The following ATG14 variants were observed in gnomAD, a reference collection of about 807,000 sequenced individuals.
ATG14 encodes autophagy related 14.
A neutral mutation model predicts 60.4 loss-of-function variants in ATG14; 35 were observed. The observed-to-expected ratio is 0.58, with a 90% CI of 0.44 to 0.77. The LOEUF (loss-of-function observed/expected upper bound fraction) is 0.77. Ranked by LOEUF, ATG14 falls within the 30% of genes least tolerant of loss-of-function variation. The pLI, the probability that ATG14 is intolerant of heterozygous loss-of-function variation, is 0.00. For synonymous variants in ATG14, 234 were observed against 228.8 expected, an observed-to-expected ratio of 1.02 and a Z score of -0.21; for missense variants, 647 against 626.3, an observed-to-expected ratio of 1.03 and a Z score of -0.35.
At chr14:55,380,009 G>A (rs1259547433) in intron 7 of ATG14, among the ~76,000 whole-genome samples, 1 of 152,198 alleles carries the variant, frequency 6.6e-6, no homozygotes, top group African/African-American at 2.4e-5. Context: ...CACTTTGGGA[G>A]ACCGAGGCAG....
intron 3 of ATG14, among the ~76,000 whole-genome samples, chr14:55,393,963 G>A (rs893656088): frequency 1.2e-4 from 18 of 150,766 alleles, no homozygotes; most frequent in African/African-American, 4.1e-4. Context: ...TCCACAGCAC[G>A]TAGACTGACC....
In ATG14 at chr14:55,385,868, G is replaced by A. The variant is rs140426113; in HGVS notation, c.638C>T (p.Thr213Met). The A allele has an allele frequency of 2.7e-5, 43 of 1,610,802 alleles. No individual in the cohort carries two copies. Among genetic ancestry groups the A allele is most frequent in the Admixed American group, 2.0e-4 (12 of 59,642 alleles). ...SVIFPIEEVKTGVRDPADVSS... is the reference protein window; with the variant it reads ...SVIFPIEEVKMGVRDPADVSS... ...GACTTGCTTAATGTACCTCACACCC[G>A]TCTTTACTTCCTCGATTGGAAAAAT... Residue 213 changes from threonine (T) to methionine (M), a missense_variant, in exon 5 of 10, where the codon ACG becomes ATG. Physicochemically the swap from Thr to Met is moderately conservative, Grantham distance 81. Coordinates refer to ENST00000247178, the MANE Select transcript of ATG14 (RefSeq NM_014924.5).
chr14:55,384,939 C>A (rs1885097526), intron 5 of ATG14, among the ~76,000 whole-genome samples: 1 of 152,156 alleles, frequency 6.6e-6, no homozygotes, highest in Non-Finnish European at 1.5e-5. Context: ...CCCTCTGGAA[C>A]CTCTATTTCT....
At chr14:55,405,224 G>T (rs1180205584) in intron 1 of ATG14, among the ~76,000 whole-genome samples, 1 of 152,154 alleles carries the variant, frequency 6.6e-6, no homozygotes, top group Non-Finnish European at 1.5e-5. Context: ...GGCCACAGTG[G>T]CTGACAAACA....
chr14:55,372,159 A>C (rs1332120481), intron 9 of ATG14, among the ~76,000 whole-genome samples: 2 of 152,100 alleles, frequency 1.3e-5, no homozygotes. Flanking sequence ...TCAAAACTTT[A>C]GCTGGCTGGG....
chr14:55,378,155 G>C, intron 7 of ATG14, 81 bp from the exon 8 acceptor site: 1 of 1,177,286 alleles, frequency 8.5e-7, no homozygotes. Flanking sequence ...AGTACAATTA[G>C]GTATAACACA....
intron 5 of ATG14, 30 bp from the exon 6 acceptor site, chr14:55,382,221 CAA>C (rs775498948): frequency 1.9e-6 from 3 of 1,607,124 alleles, no homozygotes; most frequent in South Asian, 1.1e-5. Context: ...CACGGATTTT[CAA>C]GAGAGAGGGT....
chr14:55,400,525 T>C (rs1262546382), intron 1 of ATG14, among the ~76,000 whole-genome samples: 2 of 152,214 alleles, frequency 1.3e-5, no homozygotes, highest in African/African-American at 4.8e-5. Flanking sequence ...CTTCCAAATT[T>C]TCACTATGAT....
chr14:55,375,834 T>C (rs1352130987), intron 9 of ATG14, among the ~76,000 whole-genome samples: 3 of 152,242 alleles, frequency 2.0e-5, no homozygotes, highest in Admixed American at 2.0e-4. Flanking sequence ...TCCTTGATTG[T>C]TCCTATGTAA....
rs757779645 is a variant in ATG14 at position 55,390,899 on chromosome 14, C to A, written c.409+12G>T. On this transcript the variant is annotated intron_variant, in intron 4 of 9. Transcript: ENST00000247178. ...CTTTCTAGGGCTGGAAGGAAGGACACGAATTACTTACTTTTCTCCATTTCT... is the reference window on the plus strand; with the variant it reads ...CTTTCTAGGGCTGGAAGGAAGGACAAGAATTACTTACTTTTCTCCATTTCT... 6 of 1,551,240 alleles carry A rather than the reference C, an allele frequency of 3.9e-6. No individual in the cohort carries two copies. The South Asian group carries it at 5.8e-5, about 15-fold the overall frequency.
In ATG14 at chr14:55,369,940, T is replaced by C. The variant is rs1440707824; in HGVS notation, c.1173-15A>G. On this transcript the variant is annotated splice_polypyrimidine_tract_variant and intron_variant, in intron 9 of 9. Coordinates refer to ENST00000247178, the MANE Select transcript of ATG14 (RefSeq NM_014924.5). ...AGGGCCCTGACCTGTGTGCAGACAA[T>C]GAGGGTCTCTTTAGGATAACAACCA... The C allele has an allele frequency of 6.3e-7, 1 of 1,577,990 alleles. No individual in the cohort carries two copies. Among genetic ancestry groups the C allele is most frequent in the Non-Finnish European group, 8.6e-7 (1 of 1,159,650 alleles).
At chr14:55,404,070 G>A (rs1031542983) in intron 1 of ATG14, among the ~76,000 whole-genome samples, 8 of 152,142 alleles carry the variant, frequency 5.3e-5, no homozygotes, top group Admixed American at 6.5e-5. Context: ...GACCTTCTGG[G>A]AGCCTGGATT....
chr14:55,395,150 AG>A, intron 3 of ATG14: 1 of 470,844 alleles, frequency 2.1e-6, no homozygotes, highest in Non-Finnish European at 4.4e-6. Context: ...TTGCAGGAGC[AG>A]GTTCAGCTGA....
intron 9 of ATG14, among the ~76,000 whole-genome samples, chr14:55,374,360 T>C (rs1884880057): frequency 1.3e-5 from 2 of 152,242 alleles, no homozygotes; most frequent in South Asian, 2.1e-4. Flanking sequence ...GTGAGCCGCA[T>C]GTTTTAATCT....
intron 3 of ATG14, among the ~76,000 whole-genome samples, chr14:55,391,568 TTC>T (rs1885218766): frequency 1.3e-5 from 2 of 151,996 alleles, no homozygotes; most frequent in African/African-American, 2.4e-5. Context: ...TTGAAGGACA[TTC>T]TCTAAACCCG....
intron 9 of ATG14, among the ~76,000 whole-genome samples, chr14:55,371,128 C>T (rs111739707): frequency 2.0e-5 from 3 of 152,308 alleles, no homozygotes; most frequent in Admixed American, 6.5e-5. Context: ...AAGATAAGCA[C>T]ACGATGCCTT....
chr14:55,395,658 GATAA>G (rs1378160349), intron 3 of ATG14, among the ~76,000 whole-genome samples: 2 of 152,152 alleles, frequency 1.3e-5, no homozygotes, highest in Non-Finnish European at 2.9e-5. Flanking sequence ...GAGTGTGTAT[GATAA>G]ATAATTTTTG....
chr14:55,394,095 C>A (rs1885271549), intron 3 of ATG14, among the ~76,000 whole-genome samples: 1 of 149,382 alleles, frequency 6.7e-6, no homozygotes, highest in South Asian at 2.1e-4. Flanking sequence ...TGATCTCTGT[C>A]TCCTGGGTTC....
chr14:55,379,152 T>C (rs1296427124), intron 7 of ATG14, among the ~76,000 whole-genome samples: 1 of 152,198 alleles, frequency 6.6e-6, no homozygotes, highest in African/African-American at 2.4e-5. Flanking sequence ...CAATGTACCC[T>C]CCAGTGTTGG....
Sources: allele counts gnomAD v4.1 joint callset (sites outside exome capture counted in the v4.1 genomes callset), GRCh38; gene constraint gnomAD v4.1.1; transcripts MANE v1.5; gene names NCBI Gene and HGNC (gene_info 2026-07-23, HGNC 2026-07-21).